NBAS: variants seen among roughly 807,000 people sequenced by gnomAD.
NBAS encodes the protein NBAS subunit of NRZ tethering complex.
A neutral mutation model predicts 302.5 loss-of-function variants in NBAS; 219 were observed. That is an observed-to-expected ratio of 0.72 (90% CI 0.65 to 0.81). NBAS has a LOEUF of 0.81. NBAS is among the 30% of genes least tolerant of loss of function. The pLI, the probability that NBAS is intolerant of heterozygous loss-of-function variation, is 0.00. For synonymous variants in NBAS, 1,118 were observed against 1,021.6 expected (o/e 1.09, Z -1.80); for missense variants, 2,932 against 2,841.6 (o/e 1.03, Z -0.72).
the NBAS span, among the ~76,000 whole-genome samples, chr2:14,793,694 T>C: frequency 1.3e-5 from 2 of 152,118 alleles, no homozygotes; most frequent in Non-Finnish European, 2.9e-5. Context: ...GGTAAAGTCA[T>C]ACTTCTATAC....
chr2:15,009,253 T>G, the NBAS span, among the ~76,000 whole-genome samples: 1 of 152,148 alleles, frequency 6.6e-6, no homozygotes, highest in African/African-American at 2.4e-5. Flanking sequence ...CAAATGGTAA[T>G]CTATCCAAAG....
chr2:14,838,694 T>C, the NBAS span, among the ~76,000 whole-genome samples: 1 of 152,016 alleles, frequency 6.6e-6, no homozygotes, highest in Non-Finnish European at 1.5e-5. Flanking sequence ...TCAACCCCTA[T>C]AGATCTTTGT....
At chr2:14,833,092 A>G in the NBAS span, among the ~76,000 whole-genome samples, 1 of 152,220 alleles carries the variant, frequency 6.6e-6, no homozygotes, top group Non-Finnish European at 1.5e-5. Context: ...AGTCTATCTC[A>G]GAATCTTTAA....
intron 6 of NBAS, among the ~76,000 whole-genome samples, chr2:15,541,221 C>G (rs1663802157): frequency 6.6e-6 from 1 of 152,174 alleles, no homozygotes; most frequent in Non-Finnish European, 1.5e-5. Flanking sequence ...ATTTGCCCCA[C>G]AAGTCTCTGA....
the NBAS span, among the ~76,000 whole-genome samples, chr2:15,004,350 AG>A: frequency 6.6e-6 from 1 of 152,228 alleles, no homozygotes; most frequent in Non-Finnish European, 1.5e-5. Context: ...ATTAAGGAAA[AG>A]TTTTGGCACA....
At chr2:14,997,370 T>G in the NBAS span, among the ~76,000 whole-genome samples, 4 of 151,606 alleles carry the variant, frequency 2.6e-5, no homozygotes, top group South Asian at 8.3e-4. Flanking sequence ...CTTTCTAGTC[T>G]GGCACATGAA....
At chr2:15,433,101 C>T (rs1025531087) in intron 21 of NBAS, among the ~76,000 whole-genome samples, 2 of 152,036 alleles carry the variant, frequency 1.3e-5, no homozygotes, top group East Asian at 1.9e-4. Flanking sequence ...TAGTAAATGC[C>T]GCAATACTGC....
chr2:15,260,603 T>C (rs1668805146), intron 44 of NBAS, among the ~76,000 whole-genome samples: 1 of 151,938 alleles, frequency 6.6e-6, no homozygotes, highest in Non-Finnish European at 1.5e-5. Flanking sequence ...ACAGAGTGGA[T>C]GGGGTTGAAG....
intron 40 of NBAS, among the ~76,000 whole-genome samples, chr2:15,304,908 G>A (rs1433063808): frequency 6.6e-6 from 1 of 152,192 alleles, no homozygotes; most frequent in Admixed American, 6.5e-5. Context: ...AAGGGAAGCA[G>A]AGCACAGTTA....
the NBAS span, among the ~76,000 whole-genome samples, chr2:14,973,577 A>G: frequency 2.0e-5 from 3 of 152,224 alleles, no homozygotes; most frequent in African/African-American, 7.2e-5. Context: ...AGCTTCATTG[A>G]CACACACAAA....
intron 35 of NBAS, among the ~76,000 whole-genome samples, chr2:15,336,900 A>G (rs977370765): frequency 6.6e-6 from 1 of 152,182 alleles, no homozygotes; most frequent in Non-Finnish European, 1.5e-5. Context: ...TGAAAATATA[A>G]ATATGGTAAG....
At chr2:14,998,828 C>A in the NBAS span, among the ~76,000 whole-genome samples, 1 of 152,216 alleles carries the variant, frequency 6.6e-6, no homozygotes, top group African/African-American at 2.4e-5. Flanking sequence ...CTTTCATTCA[C>A]AAGAGGACAC....
intron 31 of NBAS, among the ~76,000 whole-genome samples, chr2:15,371,711 CATT>C (rs1674494648): frequency 6.6e-6 from 1 of 152,042 alleles, no homozygotes; most frequent in Admixed American, 6.6e-5. Flanking sequence ...TTGTCCCCAT[CATT>C]ATTTCAGTTC....
chr2:14,988,334 AACAATATAAACAGACCCAGAT>A, the NBAS span, among the ~76,000 whole-genome samples: 1 of 152,204 alleles, frequency 6.6e-6, no homozygotes, highest in African/African-American at 2.4e-5. Flanking sequence ...TAAAGTAAGA[AACAATATAAACAGACCCAGAT>A]ACAATATAAA....
chr2:15,115,832 T>A, the NBAS span, among the ~76,000 whole-genome samples: 2 of 152,264 alleles, frequency 1.3e-5, no homozygotes, highest in African/African-American at 4.8e-5. Flanking sequence ...TTAATAGAAC[T>A]ATCATCCTAG....
At chr2:15,416,695 A>G (rs1676950750) in intron 24 of NBAS, among the ~76,000 whole-genome samples, 1 of 151,622 alleles carries the variant, frequency 6.6e-6, no homozygotes, top group African/African-American at 2.4e-5. Context: ...AATCCCAGCT[A>G]CTCGGGAGGC....
the NBAS span, among the ~76,000 whole-genome samples, chr2:15,139,875 G>T: frequency 6.6e-6 from 1 of 152,184 alleles, no homozygotes. Flanking sequence ...GTAACAGGTT[G>T]TATTTTCAAA....
At chr2:15,319,417 T>A (rs1054382217) in intron 38 of NBAS, among the ~76,000 whole-genome samples, 3 of 151,322 alleles carry the variant, frequency 2.0e-5, no homozygotes, top group Admixed American at 2.0e-4. Flanking sequence ...CTGAAGGAGA[T>A]AGAGACACAA....
the NBAS span, among the ~76,000 whole-genome samples, chr2:14,790,829 G>C: frequency 5.0e-4 from 75 of 151,340 alleles, 1 homozygote; most frequent in African/African-American, 1.7e-3. Context: ...TTTTGTGTGT[G>C]TGTATGTATG....
Sources: gnomAD v4.1 joint callset for allele counts (sites outside exome capture counted in the v4.1 genomes callset) on GRCh38, gnomAD v4.1.1 for gene constraint, MANE v1.5 for transcripts, NCBI Gene and HGNC (gene_info 2026-07-23, HGNC 2026-07-21) for gene names.